Variants in FIG4 observed in about 807,000 individuals in gnomAD.
The protein encoded by FIG4 is polyphosphoinositide phosphatase.
A neutral mutation model predicts 118.6 loss-of-function variants in FIG4; 112 were observed. The ratio of observed to expected loss-of-function variants is 0.94; its 90% CI spans 0.81 to 1.11. FIG4 has a LOEUF of 1.11. FIG4 is among the 50% of genes least tolerant of loss of function. FIG4 has a pLI of 0.00. For synonymous variants in FIG4, 369 were observed against 381.2 expected (o/e 0.97, Z 0.37); for missense variants, 969 against 1,111.7 (o/e 0.87, Z 1.83).
chr6:109,822,166 T>G (rs1214372465), intron 22 of FIG4, among the ~76,000 whole-genome samples: 1 of 152,182 alleles, frequency 6.6e-6, no homozygotes, highest in Non-Finnish European at 1.5e-5. Flanking sequence ...TTTTTAAAAG[T>G]GCAAACAAGT....
intron 16 of FIG4, among the ~76,000 whole-genome samples, chr6:109,782,084 T>C (rs1777822924): frequency 6.6e-6 from 1 of 152,088 alleles, no homozygotes; most frequent in Non-Finnish European, 1.5e-5. Flanking sequence ...AACCTTCCTA[T>C]GGAACCGAGA....
At chr6:109,691,526 G>A in intron 1 of FIG4, 25 bp downstream of exon 1, 1 of 1,552,598 alleles carries the variant, frequency 6.4e-7, no homozygotes, top group Non-Finnish European at 8.7e-7. Context: ...GCGGCGGGGC[G>A]CAGGCGGGAG....
rs764699770 is a variant in FIG4 at position 109,762,205 on chromosome 6, A to G, written c.1386A>G (p.Glu462=). 2.0e-5 allele frequency: 32 copies of G among 1,561,638 alleles called. No individual in the cohort carries two copies. Among genetic ancestry groups the G allele is most frequent in the Non-Finnish European group, 2.8e-5 (32 of 1,132,174 alleles). The change falls in exon 12 of 23, where the codon GAA becomes GAG. Residue 462 remains glutamate, a splice_region_variant and synonymous_variant. Transcript: ENST00000230124. ...ACTGTAGCATTTTGCGGCCAGATGA[A>G]AAGTATGTATGGTATTTTAAAACTT... is the stretch of plus-strand genomic sequence containing the variant. The part of the protein sequence containing the change: ...DSYCSILRPD[E]KWNELGGCVI...
chr6:109,760,414 C>T (rs377235942), intron 11 of FIG4, 31 bp downstream of exon 11: 59 of 1,592,508 alleles, frequency 3.7e-5, no homozygotes, highest in Middle Eastern at 3.3e-4. Flanking sequence ...TGGCTATGAT[C>T]GTTTCCTTTT....
chr6:109,747,652 G>A (rs987955376), intron 10 of FIG4, among the ~76,000 whole-genome samples: 6 of 152,010 alleles, frequency 3.9e-5, no homozygotes, highest in Non-Finnish European at 8.8e-5. Context: ...AGATCATATC[G>A]ATATGTTTAA....
chr6:109,802,146 G>A (rs1450679400), intron 22 of FIG4, among the ~76,000 whole-genome samples: 1 of 152,064 alleles, frequency 6.6e-6, no homozygotes, highest in Non-Finnish European at 1.5e-5. Context: ...TTCCTCTTTC[G>A]TCCTGACATT....
chr6:109,786,505 TTGTATATA>T, intron 18 of FIG4, 56 bp downstream of exon 18: 2 of 1,585,132 alleles, frequency 1.3e-6, no homozygotes, highest in Non-Finnish European at 1.7e-6. Context: ...TTTTCCTAGT[TTGTATATA>T]TATGTCTGTC....
intron 1 of FIG4, 95 bp from the exon 2 acceptor site, chr6:109,714,983 T>C: frequency 1.5e-6 from 1 of 676,998 alleles, no homozygotes; most frequent in Non-Finnish European, 2.6e-6. Flanking sequence ...TAACCTGACT[T>C]TATTAATGTA....
intron 3 of FIG4, among the ~76,000 whole-genome samples, chr6:109,721,217 A>G (rs992934468): frequency 2.0e-5 from 3 of 152,158 alleles, no homozygotes; most frequent in African/African-American, 4.8e-5. Flanking sequence ...AAAACACCAA[A>G]AAAGTGTGAG....
chr6:109,744,835 T>C (rs9487202), intron 10 of FIG4, among the ~76,000 whole-genome samples: 68,720 of 144,964 alleles, frequency 0.47, 17,572 homozygotes, highest in African/African-American at 0.69. Flanking sequence ...GTTCCCGTCC[T>C]TGTGTCCATG....
intron 10 of FIG4, among the ~76,000 whole-genome samples, chr6:109,748,162 G>C (rs1023232772): frequency 6.6e-6 from 1 of 152,076 alleles, no homozygotes; most frequent in African/African-American, 2.4e-5. Flanking sequence ...GAAGTACCAA[G>C]AGCCAATTTC....
intron 7 of FIG4, among the ~76,000 whole-genome samples, chr6:109,739,703 C>T (rs964943640): frequency 6.6e-6 from 1 of 152,072 alleles, no homozygotes; most frequent in Non-Finnish European, 1.5e-5. Flanking sequence ...CCCTGGCCCC[C>T]CTTGGTACTT....
chr6:109,741,379 A>G, intron 7 of FIG4, 65 bp from the exon 8 acceptor site: 1 of 1,000,538 alleles, frequency 1.0e-6, no homozygotes. Flanking sequence ...TATTTAAGGA[A>G]TAATGACTCT....
At chr6:109,770,976 C>T (rs574769731) in intron 15 of FIG4, among the ~76,000 whole-genome samples, 2 of 152,120 alleles carry the variant, frequency 1.3e-5, no homozygotes, top group African/African-American at 2.4e-5. Context: ...AGTTTCTTCC[C>T]CTTTCTGCTC....
intron 1 of FIG4, among the ~76,000 whole-genome samples, chr6:109,712,792 G>A (rs1445616023): frequency 6.6e-6 from 1 of 152,160 alleles, no homozygotes; most frequent in Non-Finnish European, 1.5e-5. Context: ...TTGTTTTGGA[G>A]GAAAAAAGGC....
intron 8 of FIG4, 129 bp from the exon 9 acceptor site, chr6:109,742,981 C>T: frequency 1.2e-6 from 1 of 807,202 alleles, no homozygotes. Context: ...CAATATTTAC[C>T]TCTCAAGACT....
intron 21 of FIG4, among the ~76,000 whole-genome samples, chr6:109,795,189 A>G (rs1583746799): frequency 7.5e-6 from 1 of 133,270 alleles, no homozygotes; most frequent in East Asian, 2.4e-4. Flanking sequence ...CAGTGGCGCA[A>G]TCTCGGCTCA....
chr6:109,778,775 A>AT (rs1289604678), intron 16 of FIG4, among the ~76,000 whole-genome samples: 2 of 151,838 alleles, frequency 1.3e-5, no homozygotes, highest in South Asian at 2.1e-4. Context: ...ATTTTTTTGT[A>AT]TTTTTAGTAG....
At chr6:109,733,839 A>G (rs1223321092) in intron 5 of FIG4, among the ~76,000 whole-genome samples, 1 of 151,906 alleles carries the variant, frequency 6.6e-6, no homozygotes, top group Non-Finnish European at 1.5e-5. Context: ...CTTCTTCTTC[A>G]TATTTCTCAG....
Sources: allele counts gnomAD v4.1 joint callset (sites outside exome capture counted in the v4.1 genomes callset), GRCh38; gene constraint gnomAD v4.1.1; transcripts MANE v1.5; gene names NCBI Gene and HGNC (gene_info 2026-07-23, HGNC 2026-07-21).